The following MLLT3 variants were observed in gnomAD, a reference collection of about 807,000 sequenced individuals.
The protein encoded by MLLT3 is MLLT3 super elongation complex subunit, also known as protein AF-9.
In MLLT3, 4 loss-of-function variants were observed where a neutral mutation model predicts 53.2. The observed-to-expected ratio is 0.08, with a 90% confidence interval of 0.04 to 0.17. MLLT3 has a LOEUF of 0.17. Among genes scored for constraint, MLLT3 ranks in the 10% least tolerant of loss-of-function variants. The pLI, the probability that MLLT3 is intolerant of heterozygous loss-of-function variation, is 1.00. For missense variants in MLLT3, 569 were observed against 684.0 expected, an observed-to-expected ratio of 0.83 and a Z score of 1.87; for synonymous variants, 283 against 230.6, an observed-to-expected ratio of 1.23 and a Z score of -2.06.
intron 2 of MLLT3, among the ~76,000 whole-genome samples, chr9:20,588,557 C>T (rs962090817): frequency 2.6e-5 from 4 of 152,112 alleles, no homozygotes; most frequent in Admixed American, 6.5e-5. Flanking sequence ...AGGTCCTTCA[C>T]ATCCCTTGTA....
At chr9:20,432,591 G>A (rs1041780715) in intron 4 of MLLT3, among the ~76,000 whole-genome samples, 1 of 151,970 alleles carries the variant, frequency 6.6e-6, no homozygotes, top group Non-Finnish European at 1.5e-5. Flanking sequence ...CATACAGGGT[G>A]GGGGGAAAAA....
intron 5 of MLLT3, among the ~76,000 whole-genome samples, chr9:20,407,167 G>C (rs1198125220): frequency 6.6e-6 from 1 of 152,200 alleles, no homozygotes; most frequent in Non-Finnish European, 1.5e-5. Flanking sequence ...AGGAAATTCA[G>C]AAAGGAGTCT....
At chr9:20,383,481 A>G (rs527510023) in intron 5 of MLLT3, among the ~76,000 whole-genome samples, 172 of 152,022 alleles carry the variant, frequency 1.1e-3, no homozygotes, top group Non-Finnish European at 2.0e-3. Flanking sequence ...AGCACATAAC[A>G]TCATCTCTCC....
chr9:20,491,755 A>C (rs549428013), intron 2 of MLLT3, among the ~76,000 whole-genome samples: 41 of 152,212 alleles, frequency 2.7e-4, no homozygotes, highest in Admixed American at 1.4e-3. Flanking sequence ...CCACATATAC[A>C]CCTGGAGCTT....
chr9:20,611,907 T>C (rs1228504580), intron 2 of MLLT3, among the ~76,000 whole-genome samples: 1 of 152,150 alleles, frequency 6.6e-6, no homozygotes, highest in Non-Finnish European at 1.5e-5. Flanking sequence ...GGACAAAATA[T>C]CAGGAGATAA....
chr9:20,547,049 G>C (rs1818806669), intron 2 of MLLT3, among the ~76,000 whole-genome samples: 1 of 152,130 alleles, frequency 6.6e-6, no homozygotes, highest in South Asian at 2.1e-4. Context: ...TTGGCCTCTT[G>C]AATCTGGTGC....
intron 2 of MLLT3, among the ~76,000 whole-genome samples, chr9:20,539,776 T>C (rs1818579011): frequency 6.6e-6 from 1 of 152,134 alleles, no homozygotes; most frequent in Non-Finnish European, 1.5e-5. Flanking sequence ...AGATCAATCA[T>C]TCCTTCATGA....
intron 8 of MLLT3, among the ~76,000 whole-genome samples, chr9:20,359,170 A>AC: frequency 6.6e-6 from 1 of 151,224 alleles, no homozygotes; most frequent in South Asian, 2.1e-4. Context: ...AAAAAAAAAA[A>AC]AAAAATCTCA....
chr9:20,552,605 G>T (rs111527839), intron 2 of MLLT3, among the ~76,000 whole-genome samples: 163 of 152,218 alleles, frequency 1.1e-3, no homozygotes, highest in African/African-American at 3.8e-3. Context: ...TGATAGGTGT[G>T]ATAATAAAGA....
intron 4 of MLLT3, among the ~76,000 whole-genome samples, chr9:20,421,902 T>C (rs1277839557): frequency 6.6e-6 from 1 of 151,952 alleles, no homozygotes; most frequent in African/African-American, 2.4e-5. Context: ...ATGCTTTTTA[T>C]AGGATTTTTA....
chr9:20,482,745 TC>T (rs1231773754), intron 2 of MLLT3, among the ~76,000 whole-genome samples: 9 of 152,220 alleles, frequency 5.9e-5, no homozygotes, highest in African/African-American at 2.2e-4. Flanking sequence ...TGTTTTCATT[TC>T]TTTTTTAATC....
intron 2 of MLLT3, among the ~76,000 whole-genome samples, chr9:20,488,955 T>A (rs1824879530): frequency 6.6e-6 from 1 of 152,200 alleles, no homozygotes; most frequent in Admixed American, 6.5e-5. Flanking sequence ...TGGCAAAAAG[T>A]GTTTCAACTA....
chr9:20,441,300 C>G (rs1412441446), intron 4 of MLLT3, among the ~76,000 whole-genome samples: 2 of 152,124 alleles, frequency 1.3e-5, no homozygotes, highest in African/African-American at 4.8e-5. Context: ...ACGTGTGTGA[C>G]TTTAAGAAGA....
chr9:20,591,872 A>G (rs932852324), intron 2 of MLLT3, among the ~76,000 whole-genome samples: 4 of 152,206 alleles, frequency 2.6e-5, no homozygotes, highest in Non-Finnish European at 5.9e-5. Flanking sequence ...AGAAATGTTA[A>G]ACAGAATGAA....
At chr9:20,419,683 T>C (rs1346821248) in intron 4 of MLLT3, among the ~76,000 whole-genome samples, 1 of 151,962 alleles carries the variant, frequency 6.6e-6, no homozygotes, top group Admixed American at 6.6e-5. Context: ...GAAAAAGAAG[T>C]AGAACCCAAA....
intron 2 of MLLT3, among the ~76,000 whole-genome samples, chr9:20,587,595 G>A (rs1157654507): frequency 6.6e-6 from 1 of 152,132 alleles, no homozygotes; most frequent in Non-Finnish European, 1.5e-5. Flanking sequence ...TTCAAATACA[G>A]AGAAATCCTT....
chr9:20,567,613 C>A (rs142877345), intron 2 of MLLT3, among the ~76,000 whole-genome samples: 1 of 152,090 alleles, frequency 6.6e-6, no homozygotes, highest in African/African-American at 2.4e-5. Flanking sequence ...CAAGATTTGG[C>A]ACAAGAAACT....
chr9:20,462,272 G>C (rs1401124085), intron 2 of MLLT3, among the ~76,000 whole-genome samples: 1 of 152,066 alleles, frequency 6.6e-6, no homozygotes, highest in Non-Finnish European at 1.5e-5. Flanking sequence ...TATTCCTAAA[G>C]AACAAAATTT....
intron 4 of MLLT3, among the ~76,000 whole-genome samples, chr9:20,441,893 C>T (rs562692552): frequency 1.2e-3 from 186 of 152,180 alleles, no homozygotes; most frequent in African/African-American, 4.4e-3. Context: ...TTTTTAGAAG[C>T]CAAAGTCTTG....
Sources: gnomAD v4.1 joint callset for allele counts (sites outside exome capture counted in the v4.1 genomes callset) on GRCh38, gnomAD v4.1.1 for gene constraint, MANE v1.5 for transcripts, NCBI Gene and HGNC (gene_info 2026-07-23, HGNC 2026-07-21) for gene names.